The following LAYN variants were observed in gnomAD, a reference collection of about 807,000 sequenced individuals.
LAYN encodes the protein layilin.
LAYN carries 38 observed loss-of-function variants against 43.6 expected under a neutral mutation model. That is an observed-to-expected ratio of 0.87 (90% CI 0.67 to 1.14). The LOEUF (loss-of-function observed/expected upper bound fraction) is 1.14, where lower values mean the gene tolerates loss of function less well. LAYN is among the 50% of genes most tolerant of loss of function. LAYN has a pLI of 0.00. For synonymous variants in LAYN, 168 were observed against 172.9 expected (o/e 0.97, Z 0.22); for missense variants, 479 against 463.8 (o/e 1.03, Z -0.30).
At chr11:111,554,661 C>A (rs562775189) in intron 4 of LAYN, 68 bp downstream of exon 4, 4 of 1,350,318 alleles carry the variant, frequency 3.0e-6, no homozygotes, top group Non-Finnish European at 4.2e-6. Flanking sequence ...AGGTTTAAAG[C>A]CCTATGTCCT....
chr11:111,557,401 G>GT, intron 5 of LAYN, 140 bp from the exon 6 acceptor site: 1 of 701,136 alleles, frequency 1.4e-6, no homozygotes, highest in Non-Finnish European at 2.5e-6. Flanking sequence ...CCTTTGTTTT[G>GT]TTTTTTAATT....
At chr11:111,541,583 G>A (rs1458563165) in intron 1 of LAYN, 6 of 1,536,026 alleles carry the variant, frequency 3.9e-6, no homozygotes, top group African/African-American at 1.4e-5. Context: ...GACCTCAGAG[G>A]AGGTAAAGTG....
In LAYN at chr11:111,540,935, G is replaced by T; in HGVS notation, c.85+7G>T. 1 of 1,530,520 alleles carries T rather than the reference G, an allele frequency of 6.5e-7. No individual in the cohort carries two copies. Among genetic ancestry groups the T allele is most frequent in the African/African-American group, 1.4e-5 (1 of 72,894 alleles). 94.8% of individuals were successfully genotyped at this position (1,530,520 alleles called of 1,614,324 possible). A position where few individuals can be genotyped will look rare whatever the true frequency, so the allele number is the denominator to read the frequency against. ...ACGGGTCGCCTGCTGAGTGGTGAGT[G>T]CGCGCGCTGGGGCGGGGGCTGGTGC... On this transcript the variant is annotated splice_region_variant and intron_variant, in intron 1 of 6. Transcript: ENST00000375614.
intron 1 of LAYN, among the ~76,000 whole-genome samples, chr11:111,542,118 G>A (rs905516614): frequency 6.6e-6 from 1 of 152,222 alleles, no homozygotes; most frequent in Non-Finnish European, 1.5e-5. Context: ...TATGCCGGTG[G>A]CCAGGTTGGA....
At chr11:111,546,937 C>G (rs1867657670) in intron 2 of LAYN, among the ~76,000 whole-genome samples, 1 of 152,186 alleles carries the variant, frequency 6.6e-6, no homozygotes, top group African/African-American at 2.4e-5. Context: ...CATAATTTTT[C>G]CCACCACTGA....
chr11:111,547,642 C>T (rs149868058), intron 2 of LAYN, among the ~76,000 whole-genome samples: 1 of 152,316 alleles, frequency 6.6e-6, no homozygotes, highest in African/African-American at 2.4e-5. Flanking sequence ...CACAGGCAGC[C>T]ACAATCAGGC....
intron 2 of LAYN, 95 bp from the exon 3 acceptor site, chr11:111,549,523 T>C: frequency 9.3e-7 from 1 of 1,079,414 alleles, no homozygotes; most frequent in South Asian, 1.9e-5. Context: ...GAATCTTATG[T>C]TTATGGCTCA....
At chr11:111,554,778 A>G (rs1867805742) in intron 4 of LAYN, among the ~76,000 whole-genome samples, 185 bp downstream of exon 4, 1 of 152,202 alleles carries the variant, frequency 6.6e-6, no homozygotes, top group South Asian at 2.1e-4. Context: ...CTCATTTTCT[A>G]GTGTTCTCAC....
chr11:111,550,100 C>T (rs111904382), intron 3 of LAYN, among the ~76,000 whole-genome samples: 2,987 of 152,264 alleles, frequency 0.02, 103 homozygotes, highest in African/African-American at 0.068. Context: ...TTACTCTTTC[C>T]ACATGTGAGG....
intron 3 of LAYN, 96 bp from the exon 4 acceptor site, chr11:111,554,465 C>T: frequency 1.1e-6 from 1 of 920,128 alleles, no homozygotes; most frequent in Non-Finnish European, 1.7e-6. Flanking sequence ...AGGAATGAAT[C>T]AGCAAATAAA....
intron 3 of LAYN, among the ~76,000 whole-genome samples, chr11:111,551,998 A>G (rs1867752091): frequency 1.4e-5 from 1 of 70,530 alleles, no homozygotes; most frequent in South Asian, 7.5e-4. Flanking sequence ...AATGTTATGT[A>G]TGTGTATGTG....
chr11:111,555,204 C>A lies in LAYN; in HGVS notation c.575-3C>A. 1 of 1,610,134 alleles carries A rather than the reference C, an allele frequency of 6.2e-7. No individual in the cohort carries two copies. Among genetic ancestry groups the A allele is most frequent in the Non-Finnish European group, 8.5e-7 (1 of 1,176,638 alleles). On this transcript the variant is annotated splice_polypyrimidine_tract_variant and splice_region_variant and intron_variant, in intron 4 of 6. Coordinates refer to ENST00000375614, the MANE Select transcript of LAYN (RefSeq NM_178834.5). ...GTTCACAAGTCCATGTGTCTCTCTCCAGGTGAGGAAACAGAGCTGACAACA... is the reference window on the plus strand; with the variant it reads ...GTTCACAAGTCCATGTGTCTCTCTCAAGGTGAGGAAACAGAGCTGACAACA...
chr11:111,544,241 G>A lies in LAYN; in HGVS notation c.383+21G>A, dbSNP rs770876114. On this transcript the variant is annotated intron_variant, in intron 2 of 6. Coordinates refer to ENST00000375614, the MANE Select transcript of LAYN (RefSeq NM_178834.5). ...TTTAGGTAAGTGTGTGGAACCCACAGCTGCTGACTCACTTGACATAACTCA... is the reference window on the plus strand; with the variant it reads ...TTTAGGTAAGTGTGTGGAACCCACAACTGCTGACTCACTTGACATAACTCA... The A allele has an allele frequency of 7.5e-6, 12 of 1,594,976 alleles. 1 individual carries two copies. The East Asian group carries it at 1.8e-4, about 24-fold the overall frequency.
upstream of LAYN, chr11:111,540,683 G>A (rs1401548712): frequency 9.6e-6 from 6 of 628,232 alleles, no homozygotes; most frequent in Non-Finnish European, 1.5e-5. Flanking sequence ...GGGCGGAGGG[G>A]CGACCGACTG....
intron 3 of LAYN, among the ~76,000 whole-genome samples, chr11:111,552,074 AAGAT>A (rs561840042): frequency 7.1e-4 from 107 of 151,654 alleles, no homozygotes; most frequent in African/African-American, 2.4e-3. Flanking sequence ...ATGTGATACA[AAGAT>A]AGAGGAGAGA....
chr11:111,540,974 C>A, intron 1 of LAYN, 46 bp downstream of exon 1: 1 of 1,490,176 alleles, frequency 6.7e-7, no homozygotes, highest in Non-Finnish European at 9.0e-7. Flanking sequence ...GGTGGGCTCA[C>A]TGCACCCCAG....
intron 2 of LAYN, among the ~76,000 whole-genome samples, chr11:111,547,889 A>T (rs1867675160): frequency 6.6e-6 from 1 of 152,174 alleles, no homozygotes; most frequent in South Asian, 2.1e-4. Flanking sequence ...TCCCCACTTG[A>T]CATTCTCCAC....
Sources: allele counts gnomAD v4.1 joint callset (sites outside exome capture counted in the v4.1 genomes callset), GRCh38; gene constraint gnomAD v4.1.1; transcripts MANE v1.5; gene names NCBI Gene and HGNC (gene_info 2026-07-23, HGNC 2026-07-21).